The following PPM1D variants were observed in gnomAD, a reference collection of about 807,000 sequenced individuals.
The protein encoded by PPM1D is protein phosphatase 1D.
PPM1D carries 52 observed loss-of-function variants against 58.3 expected under a neutral mutation model. The ratio of observed to expected loss-of-function variants is 0.89; its 90% CI spans 0.71 to 1.12. The LOEUF (loss-of-function observed/expected upper bound fraction) is 1.12. Among genes scored for constraint, PPM1D ranks in the 50% most tolerant of loss-of-function variants. The pLI is 0.00. For synonymous variants in PPM1D, 278 were observed against 285.1 expected (o/e 0.98, Z 0.25); for missense variants, 564 against 777.2 (o/e 0.73, Z 3.26).
chr17:60,629,503 C>T (rs940365355), intron 2 of PPM1D, among the ~76,000 whole-genome samples: 11 of 152,282 alleles, frequency 7.2e-5, no homozygotes, highest in African/African-American at 2.4e-4. Context: ...TCCTTTCAGG[C>T]TATAGTCTAT....
chr17:60,609,879 T>C (rs1002975677), intron 1 of PPM1D, among the ~76,000 whole-genome samples: 12 of 152,278 alleles, frequency 7.9e-5, no homozygotes, highest in African/African-American at 2.9e-4. Context: ...TTACATTTTA[T>C]CATAGATACG....
chr17:60,611,795 C>T (rs987272797), intron 1 of PPM1D, among the ~76,000 whole-genome samples: 12 of 152,118 alleles, frequency 7.9e-5, no homozygotes, highest in Non-Finnish European at 7.4e-5. Context: ...TAGTTTGTCT[C>T]TTCACTTCGT....
chr17:60,617,841 C>G (rs2065578119), intron 1 of PPM1D, among the ~76,000 whole-genome samples: 2 of 152,120 alleles, frequency 1.3e-5, no homozygotes, highest in Admixed American at 1.3e-4. Context: ...TAATTATAAA[C>G]TGAACACCAT....
At chr17:60,645,341 C>G (rs147037708) in intron 3 of PPM1D, among the ~76,000 whole-genome samples, 7,055 of 150,586 alleles carry the variant, frequency 0.047, 586 homozygotes, top group African/African-American at 0.16. Flanking sequence ...GCAACAAGAG[C>G]GAAACTCCAT....
chr17:60,645,168 A>C (rs2031210153), intron 3 of PPM1D, among the ~76,000 whole-genome samples: 1 of 152,140 alleles, frequency 6.6e-6, no homozygotes, highest in Non-Finnish European at 1.5e-5. Context: ...AGCCTAGCCA[A>C]CATGATGAAA....
At chr17:60,657,078 A>G (rs2031456059) in intron 5 of PPM1D, 1 of 1,399,368 alleles carries the variant, frequency 7.1e-7, no homozygotes, top group Non-Finnish European at 9.3e-7. Context: ...ATTGTTTGCC[A>G]TCTAATGCTA....
At chr17:60,646,321 T>C (rs896895695) in intron 3 of PPM1D, among the ~76,000 whole-genome samples, 4 of 152,236 alleles carry the variant, frequency 2.6e-5, no homozygotes, top group African/African-American at 9.6e-5. Context: ...TGAATTATTC[T>C]TTCTTTGGAC....
rs775750934 is a variant in PPM1D at position 60,663,071 on chromosome 17, C to T, written c.1337C>T (p.Ser446Leu). 3.7e-6 allele frequency: 6 copies of T among 1,614,026 alleles called. No homozygotes were observed. The African/African-American group carries it at 6.7e-5, about 18-fold the overall frequency. The change falls in exon 6 of 6, where the codon TCA becomes TTA. Residue 446 changes from serine (S) to leucine (L), a missense_variant. Ser to Leu is a moderately radical substitution (Grantham distance 145). Around this residue, in one of 7 missense-constraint regions of PPM1D, gnomAD observed 261 missense variants for 270.1 expected, o/e 0.97. Transcript: ENST00000305921. The part of the protein sequence containing the change: ...IPALVRSNAF[S>L]ENFLEVSAEI... ...GCCCTGGTTCGTAGCAATGCCTTCT[C>T]AGAGAATTTTTTAGAGGTTTCAGCT... is the stretch of plus-strand genomic sequence containing the variant.
chr17:60,650,130 TG>T (rs1376514152), intron 4 of PPM1D, among the ~76,000 whole-genome samples: 1 of 152,186 alleles, frequency 6.6e-6, no homozygotes, highest in Non-Finnish European at 1.5e-5. Context: ...TTATGAGACC[TG>T]GAAGAGTGAG....
chr17:60,630,811 C>T (rs148503330), intron 2 of PPM1D, among the ~76,000 whole-genome samples: 140 of 152,250 alleles, frequency 9.2e-4, no homozygotes, highest in African/African-American at 3.2e-3. Context: ...GGTACTAAGC[C>T]TTACCTTGTA....
chr17:60,613,944 C>T (rs1168689916), intron 1 of PPM1D, among the ~76,000 whole-genome samples: 1 of 149,670 alleles, frequency 6.7e-6, no homozygotes, highest in African/African-American at 2.5e-5. Flanking sequence ...CCGATGAGCA[C>T]CACCCCCTGC....
At chr17:60,634,857 T>C (rs2030993401) in intron 3 of PPM1D, among the ~76,000 whole-genome samples, 1 of 152,192 alleles carries the variant, frequency 6.6e-6, no homozygotes, top group South Asian at 2.1e-4. Flanking sequence ...GACAGCTCAC[T>C]GCAACCTCTA....
At position 60,665,572 on chromosome 17, in the gene PPM1D, T is replaced by C. The variant is rs1434034811; in HGVS notation, c.*2020T>C. The C allele has an allele frequency of 6.6e-6, 1 of 152,246 alleles. No homozygotes were observed. The highest frequency in any genetic ancestry group is 1.5e-5 in the Non-Finnish European group (1 of 68,032). The allele number at this position is 152,246 out of a possible 1,614,324, so 9.4% of individuals were successfully genotyped here. A position where few individuals can be genotyped will look rare whatever the true frequency, so the allele number is the denominator to read the frequency against. ...ATTTTCAATATTTTGCAGAAGATAATTCTTGATCGGTGTGTCTTATGCCAC... is the reference window on the plus strand; with the variant it reads ...ATTTTCAATATTTTGCAGAAGATAACTCTTGATCGGTGTGTCTTATGCCAC... On this transcript the variant is annotated 3_prime_UTR_variant, in exon 6 of 6. Coordinates refer to ENST00000305921, the MANE Select transcript of PPM1D (RefSeq NM_003620.4).
At position 60,640,523 on chromosome 17, in the gene PPM1D, TTTTG is replaced by T. The variant is rs760776992; in HGVS notation, c.826+6558_826+6561del. On this transcript the variant is annotated intron_variant, in intron 3 of 5. Transcript: ENST00000305921. Reference sequence around the variant, plus strand: ...CACCATTCATCCTAGATTTGTGGGCTTTTGTTTGTTTGTTTTTGTAATTTCAGCT... The same window carrying T: ...CACCATTCATCCTAGATTTGTGGGCTTTTGTTTGTTTTTGTAATTTCAGCT... Among the ~76,000 whole-genome samples, 166 of 152,046 alleles carry T rather than the reference TTTTG, an allele frequency of 1.1e-3. 1 individual carries two copies. The highest frequency in any genetic ancestry group is 3.5e-3 in the African/African-American group (145 of 41,342).
Position 60,600,356 on chromosome 17 carries a change from T to C in PPM1D, c.-59T>C. The C allele has an allele frequency of 6.5e-7, 1 of 1,534,068 alleles. No individual in the cohort carries two copies. Among genetic ancestry groups the C allele is most frequent in the Non-Finnish European group, 8.8e-7 (1 of 1,141,322 alleles). On this transcript the variant is annotated 5_prime_UTR_variant, in exon 1 of 6. Coordinates refer to ENST00000305921, the MANE Select transcript of PPM1D (RefSeq NM_003620.4). Reference sequence around the variant, plus strand: ...AGTTGGCCGGCGAGCGCCTAGTGTGTCTCCCGCCGCCGGATTCGGCGGGCT... The same window carrying C: ...AGTTGGCCGGCGAGCGCCTAGTGTGCCTCCCGCCGCCGGATTCGGCGGGCT...
chr17:60,625,556 T>C (rs1314160747), intron 2 of PPM1D, among the ~76,000 whole-genome samples: 2 of 152,222 alleles, frequency 1.3e-5, no homozygotes, highest in Non-Finnish European at 2.9e-5. Flanking sequence ...AATGGTTAAG[T>C]ATATTTAGCA....
rs543307891 is a variant in PPM1D at position 60,661,274 on chromosome 17, G to A, written c.1261-1721G>A. Reference sequence around the variant, plus strand: ...GTTTATTTATAGGAGATTTTATTTCGGAGAAAGATCAGATAAATACGTCTT... The same window carrying A: ...GTTTATTTATAGGAGATTTTATTTCAGAGAAAGATCAGATAAATACGTCTT... On this transcript the variant is annotated intron_variant, in intron 5 of 5. Transcript: ENST00000305921. 6.0e-5 allele frequency among the ~76,000 whole-genome samples: 9 copies of A among 150,128 alleles called. No individual in the cohort carries two copies. In the South Asian group the frequency reaches 6.3e-4, roughly 11 times the overall value.
chr17:60,613,985 A>AGGGCTGAGGAGTGCGGGCCCAG (rs2030523571), intron 1 of PPM1D, among the ~76,000 whole-genome samples: 1 of 150,172 alleles, frequency 6.7e-6, no homozygotes, highest in Non-Finnish European at 1.5e-5. Context: ...CGACTGCCCA[A>AGGGCTGAGGAGTGCGGGCCCAG]GGGCTGAGGA....
chr17:60,607,439 C>A (rs1270548299), intron 1 of PPM1D, among the ~76,000 whole-genome samples: 1 of 152,086 alleles, frequency 6.6e-6, no homozygotes, highest in Non-Finnish European at 1.5e-5. Flanking sequence ...TGTGCCACCA[C>A]ACTCAGCTAA....
Sources: gnomAD v4.1 joint callset for allele counts (sites outside exome capture counted in the v4.1 genomes callset) on GRCh38, gnomAD v4.1.1 for gene constraint, gnomAD v4.1.1 regional missense constraint, MANE v1.5 for transcripts, NCBI Gene and HGNC (gene_info 2026-07-23, HGNC 2026-07-21) for gene names.